CTNNA2: variants seen among roughly 807,000 people sequenced by gnomAD.
The protein encoded by CTNNA2 is catenin alpha-2.
In CTNNA2, 42 loss-of-function variants were observed where a neutral mutation model predicts 101.0. That is an observed-to-expected ratio of 0.42 (90% CI 0.32 to 0.54). The LOEUF (loss-of-function observed/expected upper bound fraction) is 0.54. CTNNA2 is among the 20% of genes least tolerant of loss of function. The pLI, the probability that CTNNA2 is intolerant of heterozygous loss-of-function variation, is 0.14. For missense variants in CTNNA2, 871 were observed against 1,223.1 expected, an observed-to-expected ratio of 0.71 and a Z score of 4.29; for synonymous variants, 450 against 456.4, an observed-to-expected ratio of 0.99 and a Z score of 0.18.
At chr2:79,266,323 C>T (rs889945041) in intron 2 of CTNNA2, among the ~76,000 whole-genome samples, 4 of 152,152 alleles carry the variant, frequency 2.6e-5, no homozygotes, top group Admixed American at 2.6e-4. Flanking sequence ...CCAACTCCTC[C>T]CTGGATGAAG....
intron 7 of CTNNA2, among the ~76,000 whole-genome samples, chr2:80,385,744 CCTT>C (rs1676937705): frequency 6.6e-6 from 1 of 152,116 alleles, no homozygotes; most frequent in African/African-American, 2.4e-5. Flanking sequence ...CTCTGCCTCT[CCTT>C]CTTTCAGCTA....
chr2:79,368,213 C>T (rs538243220), intron 3 of CTNNA2, among the ~76,000 whole-genome samples: 27 of 152,296 alleles, frequency 1.8e-4, no homozygotes, highest in African/African-American at 6.3e-4. Context: ...CTATATTTAA[C>T]GTAAGACTCC....
Position 79,784,449 on chromosome 2 carries a change from T to C in CTNNA2, c.298+39867T>C, listed in dbSNP as rs796487077. Among the ~76,000 whole-genome samples, 173 of 151,096 alleles carry C rather than the reference T, an allele frequency of 1.1e-3. 1 individual carries two copies. The highest frequency in any genetic ancestry group is 3.9e-3 in the African/African-American group (162 of 41,078). ...TTTGAACCTTTGCCTGTATCTTTCC[T>C]GAGAACTACAGACTCACATATCCAA... On this transcript the variant is annotated intron_variant, in intron 3 of 18. Coordinates refer to ENST00000402739, the MANE Select transcript of CTNNA2 (RefSeq NM_001282597.3).
chr2:80,171,971 T>C (rs1705089361), intron 7 of CTNNA2, among the ~76,000 whole-genome samples: 1 of 152,160 alleles, frequency 6.6e-6, no homozygotes, highest in South Asian at 2.1e-4. Flanking sequence ...GTTAGAACAC[T>C]TTGGTTACAA....
intron 15 of CTNNA2, among the ~76,000 whole-genome samples, chr2:80,594,873 TC>T (rs1432292955): frequency 6.6e-6 from 1 of 152,098 alleles, no homozygotes; most frequent in African/African-American, 2.4e-5. Flanking sequence ...TCCATTGGTC[TC>T]TATGTCTGTC....
intron 7 of CTNNA2, among the ~76,000 whole-genome samples, chr2:80,122,509 G>T (rs951640895): frequency 1.8e-4 from 28 of 152,066 alleles, no homozygotes; most frequent in African/African-American, 2.4e-5. Flanking sequence ...AAAATTGGAG[G>T]GTTGAAGTAG....
chr2:79,717,325 T>G (rs1276524022), intron 2 of CTNNA2, among the ~76,000 whole-genome samples: 1 of 152,244 alleles, frequency 6.6e-6, no homozygotes, highest in African/African-American at 2.4e-5. Flanking sequence ...TTCCATCACT[T>G]TTTCTCAGTT....
intron 7 of CTNNA2, among the ~76,000 whole-genome samples, chr2:80,228,060 C>T (rs894754904): frequency 6.6e-6 from 1 of 151,982 alleles, no homozygotes; most frequent in African/African-American, 2.4e-5. Context: ...CTATGTAGAC[C>T]AAGCTGCTTT....
intron 9 of CTNNA2, among the ~76,000 whole-genome samples, chr2:80,489,407 G>GA (rs1323092390): frequency 1.3e-5 from 2 of 152,118 alleles, no homozygotes; most frequent in East Asian, 3.9e-4. Context: ...CTGAGACTGA[G>GA]AAAAAAATAA....
chr2:79,754,501 C>T (rs1396370806), intron 3 of CTNNA2, among the ~76,000 whole-genome samples: 1 of 152,110 alleles, frequency 6.6e-6, no homozygotes, highest in African/African-American at 2.4e-5. Flanking sequence ...TTCATTTGCC[C>T]TATAAATACA....
At chr2:79,982,534 A>G (rs1330656876) in intron 7 of CTNNA2, among the ~76,000 whole-genome samples, 1 of 150,674 alleles carries the variant, frequency 6.6e-6, no homozygotes, top group Non-Finnish European at 1.5e-5. Context: ...TATATTTTGT[A>G]GAAATGGGGT....
intron 4 of CTNNA2, among the ~76,000 whole-genome samples, chr2:79,448,926 C>T (rs1171362433): frequency 6.6e-6 from 1 of 151,882 alleles, no homozygotes; most frequent in Admixed American, 6.6e-5. Context: ...AATCAAGGGG[C>T]CTTGTGAGAA....
chr2:79,304,091 G>A (rs1363107157), intron 2 of CTNNA2, among the ~76,000 whole-genome samples: 1 of 152,078 alleles, frequency 6.6e-6, no homozygotes, highest in Non-Finnish European at 1.5e-5. Context: ...CAAGTAGCAT[G>A]TATCTAGCTG....
chr2:80,438,429 G>T (rs1431996087), intron 9 of CTNNA2, among the ~76,000 whole-genome samples: 4 of 146,374 alleles, frequency 2.7e-5, no homozygotes, highest in Non-Finnish European at 6.0e-5. Context: ...TAGTTTTTTT[G>T]TTTTGTTTTG....
At chr2:79,874,367 G>C (rs989700144) in intron 6 of CTNNA2, 25 bp downstream of exon 6, 1 of 1,608,358 alleles carries the variant, frequency 6.2e-7, no homozygotes, top group Non-Finnish European at 8.5e-7. Context: ...GAGGTACACA[G>C]AGGGGTGGGC....
intron 7 of CTNNA2, among the ~76,000 whole-genome samples, chr2:80,389,698 A>AT (rs1677329898): frequency 1.3e-5 from 2 of 152,100 alleles, no homozygotes; most frequent in Non-Finnish European, 2.9e-5. Flanking sequence ...CAAATACCTT[A>AT]TTTTTTAAAA....
rs566247330 is a variant in CTNNA2 at position 80,214,713 on chromosome 2, G to A, written c.1057-178498G>A. Among the ~76,000 whole-genome samples the A allele has an allele frequency of 1.5e-3, 231 of 152,172 alleles. 1 individual carries two copies. The highest frequency in any genetic ancestry group is 5.2e-3 in the African/African-American group (214 of 41,504). On this transcript the variant is annotated intron_variant, in intron 7 of 18. Transcript: ENST00000402739. ...ATATTTTTTCCTTCATTTCAACTTT[G>A]GTGAATCTGACAATTATGTGTCTTG...
rs139866841 is a variant in CTNNA2 at position 80,310,262 on chromosome 2, C to T, written c.1057-82949C>T. 2.8e-3 allele frequency among the ~76,000 whole-genome samples: 425 copies of T among 152,302 alleles called. 2 individuals are homozygous for T. The highest frequency in any genetic ancestry group is 9.6e-3 in the African/African-American group (400 of 41,558). On this transcript the variant is annotated intron_variant, in intron 7 of 18. Transcript: ENST00000402739. ...GTTTTCTCTCCTATTAGATTTTAAA[C>T]ACTTAGAATGGAAAGTCTATGTGTA...
chr2:79,825,506 G>A (rs1678366777), intron 3 of CTNNA2, among the ~76,000 whole-genome samples: 1 of 152,164 alleles, frequency 6.6e-6, no homozygotes, highest in Non-Finnish European at 1.5e-5. Context: ...TCTGGTTTGA[G>A]CATCTAAAGG....
Sources: gnomAD v4.1 joint callset for allele counts (sites outside exome capture counted in the v4.1 genomes callset) on GRCh38, gnomAD v4.1.1 for gene constraint, MANE v1.5 for transcripts, NCBI Gene and HGNC (gene_info 2026-07-23, HGNC 2026-07-21) for gene names.